MSRA: variants seen among roughly 807,000 people sequenced by gnomAD.
MSRA encodes mitochondrial peptide methionine sulfoxide reductase.
A neutral mutation model predicts 31.3 loss-of-function variants in MSRA; 54 were observed. The ratio of observed to expected loss-of-function variants is 1.73; its 90% CI spans 1.39 to 2.17. The LOEUF (loss-of-function observed/expected upper bound fraction) is 2.17. MSRA is among the 30% of genes most tolerant of loss of function. MSRA has a pLI of 0.00. For synonymous variants in MSRA, 169 were observed against 116.5 expected, an observed-to-expected ratio of 1.45 and a Z score of -2.90; for missense variants, 507 against 300.9, an observed-to-expected ratio of 1.69 and a Z score of -5.07.
intron 1 of MSRA, among the ~76,000 whole-genome samples, chr8:10,143,543 A>G (rs1247288770): frequency 1.3e-5 from 2 of 152,162 alleles, no homozygotes; most frequent in East Asian, 1.9e-4. Context: ...CTCATCGACA[A>G]TGGCATAGAT....
chr8:10,403,942 C>T (rs1288796754), intron 5 of MSRA, among the ~76,000 whole-genome samples: 3 of 152,172 alleles, frequency 2.0e-5, no homozygotes, highest in South Asian at 2.1e-4. Flanking sequence ...AATAAAATAG[C>T]CGTGACCCAT....
chr8:10,351,245 C>CTTTTTT lies in MSRA; in HGVS notation c.543+31279_543+31284dup, dbSNP rs71203317. 1.8e-4 allele frequency among the ~76,000 whole-genome samples: 10 copies of CTTTTTT among 56,808 alleles called. 1 individual carries two copies. Among genetic ancestry groups the CTTTTTT allele is most frequent in the African/African-American group, 5.6e-4 (8 of 14,196 alleles). The allele number at this position is 56,808 out of a possible 152,430, so 37.3% of individuals were successfully genotyped here. On this transcript the variant is annotated intron_variant, in intron 5 of 5. Coordinates refer to ENST00000317173, the MANE Select transcript of MSRA (RefSeq NM_012331.5). ...ATGGTTGTTTTTGCTCTGAAGGAGA[C>CTTTTTT]TTTTTTTTTTTTTTTTTTTTTTTTT...
intron 5 of MSRA, among the ~76,000 whole-genome samples, chr8:10,419,739 C>G (rs966292116): frequency 6.6e-6 from 1 of 152,182 alleles, no homozygotes; most frequent in African/African-American, 2.4e-5. Context: ...GAGCGTATAT[C>G]TCTTTGGGTG....
intron 1 of MSRA, among the ~76,000 whole-genome samples, chr8:10,166,932 G>A (rs1322071364): frequency 6.6e-6 from 1 of 152,146 alleles, no homozygotes; most frequent in African/African-American, 2.4e-5. Context: ...GATGGGTCTA[G>A]TGTATTCCTA....
chr8:10,267,736 T>A (rs1418236319), intron 3 of MSRA, among the ~76,000 whole-genome samples: 1 of 152,160 alleles, frequency 6.6e-6, no homozygotes, highest in Non-Finnish European at 1.5e-5. Flanking sequence ...CCGACACCAA[T>A]TTCGCTATCT....
At chr8:10,282,870 C>T (rs1410698975) in intron 3 of MSRA, among the ~76,000 whole-genome samples, 1 of 152,126 alleles carries the variant, frequency 6.6e-6, no homozygotes, top group Non-Finnish European at 1.5e-5. Context: ...ATCAGCTCTC[C>T]TCTATATACT....
intron 3 of MSRA, among the ~76,000 whole-genome samples, chr8:10,256,568 T>G (rs1183725229): frequency 6.6e-6 from 1 of 152,166 alleles, no homozygotes; most frequent in Non-Finnish European, 1.5e-5. Context: ...GGGGGCTTCA[T>G]CCATCAAAAG....
chr8:10,149,214 C>G (rs1055701855), intron 1 of MSRA, among the ~76,000 whole-genome samples: 2 of 151,924 alleles, frequency 1.3e-5, no homozygotes, highest in Non-Finnish European at 2.9e-5. Flanking sequence ...TTCCGCCTCC[C>G]GGGTTCAAGC....
At chr8:10,157,524 G>C (rs1312388813) in intron 1 of MSRA, among the ~76,000 whole-genome samples, 1 of 152,084 alleles carries the variant, frequency 6.6e-6, no homozygotes, top group Non-Finnish European at 1.5e-5. Context: ...TGGGATAGTG[G>C]GAGGTGGCTG....
rs17695316 is a variant in MSRA at position 10,276,064 on chromosome 8, G to C, written c.332-25470G>C. On this transcript the variant is annotated intron_variant, in intron 3 of 5. Transcript: ENST00000317173. ...GGTGCCTGGGCAGGCCTCTCGCTCC[G>C]TGTCTGGGCTTCCTGGTGGTCACTG... is the stretch of plus-strand genomic sequence containing the variant. Among the ~76,000 whole-genome samples, 4 of 152,226 alleles carry C rather than the reference G, an allele frequency of 2.6e-5. No individual in the cohort carries two copies. In the East Asian group the frequency reaches 7.7e-4, roughly 29 times the overall value.
intron 5 of MSRA, among the ~76,000 whole-genome samples, chr8:10,388,989 A>G (rs1441395890): frequency 6.6e-6 from 1 of 152,174 alleles, no homozygotes; most frequent in Non-Finnish European, 1.5e-5. Flanking sequence ...AGTATGGAGA[A>G]TCGCCTGTTG....
At chr8:10,121,386 C>G (rs765890638) in intron 1 of MSRA, among the ~76,000 whole-genome samples, 2 of 152,136 alleles carry the variant, frequency 1.3e-5, no homozygotes, top group African/African-American at 2.4e-5. Context: ...TGTCATGGCC[C>G]CCACCTACCT....
chr8:10,130,213 G>GAT (rs1372114460), intron 1 of MSRA, among the ~76,000 whole-genome samples: 1 of 152,200 alleles, frequency 6.6e-6, no homozygotes, highest in Non-Finnish European at 1.5e-5. Context: ...CTTCCATTGA[G>GAT]AAACACTGTA....
intron 5 of MSRA, among the ~76,000 whole-genome samples, chr8:10,371,650 A>C (rs977143340): frequency 6.6e-6 from 1 of 151,978 alleles, no homozygotes; most frequent in African/African-American, 2.4e-5. Flanking sequence ...CTTTCCCTCC[A>C]CCTACCGCCT....
At chr8:10,096,306 G>A in intron 1 of MSRA, 1 of 1,108,964 alleles carries the variant, frequency 9.0e-7, no homozygotes, top group Non-Finnish European at 1.1e-6. Context: ...CGCTTGAAGG[G>A]CAAACAAGAA....
intron 4 of MSRA, among the ~76,000 whole-genome samples, chr8:10,305,685 T>G (rs960187440): frequency 8.5e-5 from 13 of 152,230 alleles, no homozygotes; most frequent in Non-Finnish European, 1.9e-4. Context: ...GTGCTGGGAT[T>G]ACAGGCCACA....
intron 1 of MSRA, among the ~76,000 whole-genome samples, chr8:10,169,193 C>T (rs937557669): frequency 1.3e-5 from 2 of 152,202 alleles, no homozygotes; most frequent in Non-Finnish European, 2.9e-5. Flanking sequence ...TTGGTACTCC[C>T]TCACCCCTTC....
At chr8:10,179,428 C>T (rs540608818) in intron 1 of MSRA, among the ~76,000 whole-genome samples, 3 of 152,158 alleles carry the variant, frequency 2.0e-5, no homozygotes, top group African/African-American at 4.8e-5. Flanking sequence ...CTCTGAGAGT[C>T]GATCATTTAT....
At position 10,178,541 on chromosome 8, in the gene MSRA, G is replaced by A. The variant is rs532324672; in HGVS notation, c.143-29292G>A. On this transcript the variant is annotated intron_variant, in intron 1 of 5. Transcript: ENST00000317173. ...ATTTTATAATGCGGAAACTACCACA[G>A]AGTTATAAGTGCAGCGATGAAGATA... Among the ~76,000 whole-genome samples the A allele has an allele frequency of 1.1e-3, 162 of 152,282 alleles. 1 individual carries two copies. Among genetic ancestry groups the A allele is most frequent in the African/African-American group, 3.8e-3 (157 of 41,566 alleles).
Sources: gnomAD v4.1 joint callset for allele counts (sites outside exome capture counted in the v4.1 genomes callset) on GRCh38, gnomAD v4.1.1 for gene constraint, MANE v1.5 for transcripts, NCBI Gene and HGNC (gene_info 2026-07-23, HGNC 2026-07-21) for gene names.